RIPOR3: variants seen among roughly 807,000 people sequenced by gnomAD.
RIPOR3 encodes the protein RIPOR family member 3, also known as family with sequence similarity 65 member C.
A neutral mutation model predicts 114.3 loss-of-function variants in RIPOR3; 95 were observed. The ratio of observed to expected loss-of-function variants is 0.83; its 90% CI spans 0.70 to 0.99. RIPOR3 has a LOEUF of 0.99. Among genes scored for constraint, RIPOR3 ranks in the 50% least tolerant of loss-of-function variants. The pLI, the probability that RIPOR3 is intolerant of heterozygous loss-of-function variation, is 0.00. For missense variants in RIPOR3, 1,252 were observed against 1,266.9 expected (o/e 0.99, Z 0.18); for synonymous variants, 575 against 543.8 (o/e 1.06, Z -0.80).
intron 1 of RIPOR3, among the ~76,000 whole-genome samples, chr20:50,652,852 G>A (rs1033178118): frequency 6.6e-6 from 1 of 152,280 alleles, no homozygotes; most frequent in East Asian, 1.9e-4. Context: ...ACATGTAAGA[G>A]GGCGCAGCTG....
chr20:50,632,255 G>C (rs6126052), intron 1 of RIPOR3, among the ~76,000 whole-genome samples: 29,820 of 152,044 alleles, frequency 0.2, 3,117 homozygotes, highest in East Asian at 0.28. Context: ...AATCCCAACT[G>C]TGCCACTCAG....
chr20:50,595,298 G>T, intron 16 of RIPOR3, 71 bp downstream of exon 16: 1 of 1,569,358 alleles, frequency 6.4e-7, no homozygotes, highest in Non-Finnish European at 8.7e-7. Context: ...GGCAGAAGAG[G>T]CTCCCCGAGC....
At chr20:50,680,345 G>A (rs1457256242) in intron 1 of RIPOR3, among the ~76,000 whole-genome samples, 5 of 152,202 alleles carry the variant, frequency 3.3e-5, no homozygotes, top group African/African-American at 1.2e-4. Flanking sequence ...CTAACAGCCG[G>A]GTTTCACGGT....
chr20:50,638,543 G>C (rs1174151972), intron 1 of RIPOR3, among the ~76,000 whole-genome samples: 2 of 152,198 alleles, frequency 1.3e-5, no homozygotes, highest in African/African-American at 2.4e-5. Flanking sequence ...CCAGGGGTCA[G>C]CCAGGGGTCA....
rs78861235 is a variant in RIPOR3, at chr20:50,664,641, T to A, written c.3+26485A>T. ...TCAGAGCTGCGCATTTTTATCTCCA[T>A]CTGCTTGGAGCAGGAATTGCAAAGA... On this transcript the variant is annotated intron_variant, in intron 1 of 21. Coordinates refer to ENST00000327979, the MANE Select transcript of RIPOR3 (RefSeq NM_001290268.2). 7.1e-3 allele frequency among the ~76,000 whole-genome samples: 1,078 copies of A among 152,260 alleles called. 8 individuals are homozygous for A. The highest frequency in any genetic ancestry group is 0.034 in the East Asian group (175 of 5,174).
chr20:50,661,102 G>A (rs1470961447), intron 1 of RIPOR3, among the ~76,000 whole-genome samples: 4 of 152,030 alleles, frequency 2.6e-5, no homozygotes, highest in Non-Finnish European at 5.9e-5. Flanking sequence ...GCTGGGCGTG[G>A]TGGCACATGC....
intron 1 of RIPOR3, among the ~76,000 whole-genome samples, chr20:50,658,488 G>T: frequency 6.6e-6 from 1 of 152,126 alleles, no homozygotes; most frequent in Non-Finnish European, 1.5e-5. Flanking sequence ...TGGGAGGATC[G>T]CTCGAGCCCA....
At chr20:50,587,617 G>T (rs1379615428) in intron 21 of RIPOR3, among the ~76,000 whole-genome samples, 185 bp downstream of exon 21, 2 of 152,238 alleles carry the variant, frequency 1.3e-5, no homozygotes, top group Non-Finnish European at 2.9e-5. Flanking sequence ...CCCAGCCATG[G>T]AGGAGGCCTG....
intron 13 of RIPOR3, among the ~76,000 whole-genome samples, 188 bp from the exon 14 acceptor site, chr20:50,597,898 T>C (rs2083355537): frequency 6.6e-6 from 1 of 151,806 alleles, no homozygotes; most frequent in Non-Finnish European, 1.5e-5. Context: ...CCCCCCAAAG[T>C]CCCTCCTGAA....
intron 1 of RIPOR3, among the ~76,000 whole-genome samples, chr20:50,673,725 G>A (rs1055014442): frequency 2.0e-5 from 3 of 152,126 alleles, no homozygotes; most frequent in South Asian, 2.1e-4. Flanking sequence ...GCCCCAGTCC[G>A]GCCTCACCAC....
intron 1 of RIPOR3, among the ~76,000 whole-genome samples, chr20:50,668,187 T>C (rs111932788): frequency 0.017 from 2,581 of 152,268 alleles, 87 homozygotes; most frequent in African/African-American, 0.059. Flanking sequence ...AGATCTCTTT[T>C]TCGCTGTGCA....
In RIPOR3 at chr20:50,621,624, C is replaced by G. The variant is rs75335502; in HGVS notation, c.123-1492G>C. On this transcript the variant is annotated intron_variant, in intron 2 of 21. Coordinates refer to ENST00000327979, the MANE Select transcript of RIPOR3 (RefSeq NM_001290268.2). ...CCCCTGGCATTGCTAACCTGGGGAA[C>G]ATATACCTGGGACTTCCAGCCTCCT... Among the ~76,000 whole-genome samples the G allele has an allele frequency of 4.5e-3, 685 of 152,278 alleles. 5 individuals carry two copies. The highest frequency in any genetic ancestry group is 7.6e-3 in the Non-Finnish European group (518 of 68,032).
At position 50,609,360 on chromosome 20, in the gene RIPOR3, C is replaced by G; in HGVS notation, c.577-4G>C. On this transcript the variant is annotated splice_polypyrimidine_tract_variant and splice_region_variant and intron_variant, in intron 7 of 21. Coordinates refer to ENST00000327979, the MANE Select transcript of RIPOR3 (RefSeq NM_001290268.2). Reference sequence around the variant, plus strand: ...CCCCCTCGATGAGCCACATGTCCTGCAAAGCCCCGGAGGTGGCTCAGCTGG... The same window carrying G: ...CCCCCTCGATGAGCCACATGTCCTGGAAAGCCCCGGAGGTGGCTCAGCTGG... 2.5e-6 allele frequency: 4 copies of G among 1,613,296 alleles called. No individual in the cohort carries two copies. Among genetic ancestry groups the G allele is most frequent in the Non-Finnish European group, 3.4e-6 (4 of 1,179,558 alleles).
At chr20:50,613,416 G>A (rs746127760) in intron 4 of RIPOR3, among the ~76,000 whole-genome samples, 1 of 151,884 alleles carries the variant, frequency 6.6e-6, no homozygotes, top group East Asian at 1.9e-4. Flanking sequence ...TCGTGACACT[G>A]GACTCCAGCC....
chr20:50,671,428 G>GCACACA (rs1160861232), intron 1 of RIPOR3, among the ~76,000 whole-genome samples: 419 of 38,152 alleles, frequency 0.011, 1 homozygote, highest in African/African-American at 0.025. Context: ...ACGCGCGCGC[G>GCACACA]CACACACACA....
In RIPOR3 at chr20:50,592,933, C is replaced by A. The variant is rs1017070239; in HGVS notation, c.2374+102G>T. On this transcript the variant is annotated intron_variant, in intron 18 of 21. Transcript: ENST00000327979. ...TCGGGGTTCCCAAAAGAACAGTTGG[C>A]GGGGATGGATGTAGTGGTTCTGAAT... 4 of 1,408,438 alleles carry A rather than the reference C, an allele frequency of 2.8e-6. No individual in the cohort carries two copies. The Admixed American group carries it at 7.8e-5, about 28-fold the overall frequency. 87.2% of individuals were successfully genotyped at this position (1,408,438 alleles called of 1,614,324 possible). A position where few individuals can be genotyped will look rare whatever the true frequency, so the allele number is the denominator to read the frequency against.
chr20:50,632,668 C>T (rs905956508), intron 1 of RIPOR3, among the ~76,000 whole-genome samples: 4 of 152,240 alleles, frequency 2.6e-5, no homozygotes, highest in Non-Finnish European at 5.9e-5. Flanking sequence ...CATTACTAAG[C>T]TGGCCCTGCA....
intron 1 of RIPOR3, among the ~76,000 whole-genome samples, chr20:50,672,008 G>C (rs2086525830): frequency 6.7e-6 from 1 of 148,746 alleles, no homozygotes; most frequent in Non-Finnish European, 1.5e-5. Flanking sequence ...ATGGATGGAT[G>C]GATGGATGGA....
intron 1 of RIPOR3, among the ~76,000 whole-genome samples, chr20:50,644,861 C>T (rs1289330019): frequency 1.4e-5 from 2 of 142,906 alleles, no homozygotes; most frequent in South Asian, 4.4e-4. Context: ...TTTTTTGAGA[C>T]GGAGTTTCGC....
Sources: gnomAD v4.1 joint callset for allele counts (sites outside exome capture counted in the v4.1 genomes callset) on GRCh38, gnomAD v4.1.1 for gene constraint, MANE v1.5 for transcripts, NCBI Gene and HGNC (gene_info 2026-07-23, HGNC 2026-07-21) for gene names.